Variants in RBFOX1 observed in about 807,000 individuals in gnomAD.
RBFOX1 encodes the protein RNA binding protein fox-1 homolog 1.
In RBFOX1, 8 loss-of-function variants were observed where a neutral mutation model predicts 57.7. The observed-to-expected ratio is 0.14, with a 90% confidence interval of 0.08 to 0.25. The LOEUF (loss-of-function observed/expected upper bound fraction) is 0.25. RBFOX1 is among the 10% of genes least tolerant of loss of function. RBFOX1 has a pLI of 1.00. For synonymous variants in RBFOX1, 326 were observed against 222.4 expected, an observed-to-expected ratio of 1.47 and a Z score of -4.15; for missense variants, 611 against 548.5, an observed-to-expected ratio of 1.11 and a Z score of -1.14.
intron 4 of RBFOX1, among the ~76,000 whole-genome samples, chr16:5,907,656 G>C (rs547496022): frequency 4.1e-4 from 62 of 152,118 alleles, no homozygotes; most frequent in African/African-American, 1.4e-3. Context: ...GATGCATGTG[G>C]GGAAGTTCCA....
chr16:6,912,700 C>T (rs933021040), intron 3 of RBFOX1, among the ~76,000 whole-genome samples: 2 of 151,860 alleles, frequency 1.3e-5, no homozygotes, highest in African/African-American at 2.4e-5. Flanking sequence ...ACTGTAGCGC[C>T]CCAACCTCCT....
At chr16:6,626,721 C>T (rs1189512127) in intron 2 of RBFOX1, among the ~76,000 whole-genome samples, 2 of 152,026 alleles carry the variant, frequency 1.3e-5, no homozygotes, top group Non-Finnish European at 2.9e-5. Context: ...GATTGCACCA[C>T]AGCACCCCAG....
At chr16:6,279,292 C>G (rs1375629635) in intron 1 of RBFOX1, among the ~76,000 whole-genome samples, 3 of 152,184 alleles carry the variant, frequency 2.0e-5, no homozygotes, top group African/African-American at 7.2e-5. Context: ...GTTTTATCCT[C>G]ATTAGAGCCA....
chr16:6,948,788 G>T (rs918578470), intron 3 of RBFOX1, among the ~76,000 whole-genome samples: 4 of 152,092 alleles, frequency 2.6e-5, no homozygotes, highest in Admixed American at 6.5e-5. Context: ...AAGAGGAAGC[G>T]TCTTTTCTGA....
In RBFOX1 at chr16:7,085,929, G is replaced by A. The variant is rs921097545; in HGVS notation, c.27+33831G>A. ...TTCGGTTCTTGATGCTCTGTGCTGTGATTCATGGGCTCTAAAATGTACTAA... is the reference window on the plus strand; with the variant it reads ...TTCGGTTCTTGATGCTCTGTGCTGTAATTCATGGGCTCTAAAATGTACTAA... On this transcript the variant is annotated intron_variant, in intron 4 of 15. Transcript: ENST00000550418. Among the ~76,000 whole-genome samples the A allele has an allele frequency of 2.6e-5, 4 of 152,180 alleles. No individual in the cohort carries two copies. In the East Asian group the frequency reaches 7.7e-4, roughly 29 times the overall value.
intron 3 of RBFOX1, among the ~76,000 whole-genome samples, chr16:6,911,320 T>C (rs1025354978): frequency 3.3e-5 from 5 of 152,078 alleles, no homozygotes; most frequent in Non-Finnish European, 7.4e-5. Context: ...ATGTTTTGCC[T>C]TACACTTGTG....
intron 1 of RBFOX1, among the ~76,000 whole-genome samples, chr16:5,292,967 G>T (rs1297181222): frequency 6.6e-6 from 1 of 152,038 alleles, no homozygotes; most frequent in Non-Finnish European, 1.5e-5. Flanking sequence ...TAACTCCGGG[G>T]TGTCCCACTG....
intron 2 of RBFOX1, among the ~76,000 whole-genome samples, chr16:6,352,670 G>T (rs2086618288): frequency 6.6e-6 from 1 of 152,102 alleles, no homozygotes; most frequent in Non-Finnish European, 1.5e-5. Flanking sequence ...TTCATACATT[G>T]CTCAAAAAGG....
chr16:6,759,783 G>A (rs1241006753), intron 3 of RBFOX1, among the ~76,000 whole-genome samples: 1 of 152,112 alleles, frequency 6.6e-6, no homozygotes, highest in Non-Finnish European at 1.5e-5. Context: ...TAAGGAATGT[G>A]TGCCAAGATG....
intron 2 of RBFOX1, among the ~76,000 whole-genome samples, chr16:6,387,858 G>C (rs2092380703): frequency 1.3e-5 from 2 of 151,894 alleles, no homozygotes; most frequent in Admixed American, 6.6e-5. Flanking sequence ...AGTCTACAGG[G>C]AACAAGTGTG....
intron 14 of RBFOX1, among the ~76,000 whole-genome samples, chr16:7,684,270 T>G (rs2075571797): frequency 6.6e-6 from 1 of 152,088 alleles, no homozygotes; most frequent in South Asian, 2.1e-4. Flanking sequence ...AATTAGGCAC[T>G]TCTCAAAAAC....
chr16:5,671,327 T>G (rs1369038546), intron 3 of RBFOX1, among the ~76,000 whole-genome samples: 1 of 152,150 alleles, frequency 6.6e-6, no homozygotes, highest in Non-Finnish European at 1.5e-5. Context: ...ATCTTATTAG[T>G]GTAGAAGGAT....
chr16:5,333,191 A>AAAC (rs150751210), intron 1 of RBFOX1, among the ~76,000 whole-genome samples: 18 of 2,206 alleles, frequency 8.2e-3, no homozygotes, highest in African/African-American at 8.6e-3. Flanking sequence ...CCATCTCAAA[A>AAAC]AACAAACAAA....
chr16:6,628,744 T>A (rs920500461), intron 2 of RBFOX1, among the ~76,000 whole-genome samples: 1 of 152,192 alleles, frequency 6.6e-6, no homozygotes, highest in Non-Finnish European at 1.5e-5. Flanking sequence ...CTGAGTACAC[T>A]TTTGTAACAC....
At chr16:7,402,338 C>T (rs1046370063) in intron 4 of RBFOX1, among the ~76,000 whole-genome samples, 17 of 152,120 alleles carry the variant, frequency 1.1e-4, no homozygotes, top group African/African-American at 3.9e-4. Context: ...TAAGTATGTT[C>T]CTGAACTCCA....
chr16:7,486,719 G>A (rs560414866), intron 4 of RBFOX1, among the ~76,000 whole-genome samples: 1 of 152,244 alleles, frequency 6.6e-6, no homozygotes, highest in African/African-American at 2.4e-5. Flanking sequence ...ATGCTAAGAA[G>A]CAAGTCATTC....
rs183762883 is a variant in RBFOX1, at chr16:5,782,135, C to G, written c.319-85168C>G. On this transcript the variant is annotated intron_variant, in intron 3 of 19. Coordinates refer to the RBFOX1 transcript ENST00000641259. ...CTGAGGCAGGAGAATCACTTGAACC[C>G]ACGAAGTGGAGGTTGCAGTGAGATG... 1.0e-3 allele frequency among the ~76,000 whole-genome samples: 158 copies of G among 152,318 alleles called. 1 individual carries two copies. The highest frequency in any genetic ancestry group is 3.7e-3 in the African/African-American group (154 of 41,566).
intron 4 of RBFOX1, among the ~76,000 whole-genome samples, chr16:7,454,904 C>G (rs41369345): frequency 0.046 from 6,930 of 152,302 alleles, 196 homozygotes; most frequent in Non-Finnish European, 0.069. Context: ...GTTTGCTCCT[C>G]ACACTTTATA....
chr16:7,256,099 T>C (rs767855106), intron 4 of RBFOX1, among the ~76,000 whole-genome samples: 1 of 152,240 alleles, frequency 6.6e-6, no homozygotes, highest in Non-Finnish European at 1.5e-5. Flanking sequence ...TCATTTTTAA[T>C]AGGGAGTGGT....
Sources: allele counts gnomAD v4.1 joint callset (sites outside exome capture counted in the v4.1 genomes callset), GRCh38; gene constraint gnomAD v4.1.1; transcripts MANE v1.5; gene names NCBI Gene and HGNC (gene_info 2026-07-23, HGNC 2026-07-21).